Variants in NCEH1 observed in about 807,000 individuals in gnomAD.
NCEH1 encodes the protein neutral cholesterol ester hydrolase 1, also known as 2-acetyl MAGE hydrolase.
In NCEH1, 9 loss-of-function variants were observed where a neutral mutation model predicts 25.4. The ratio of observed to expected loss-of-function variants is 0.35; its 90% confidence interval spans 0.21 to 0.62. The LOEUF is 0.62. Ranked by LOEUF, NCEH1 falls within the 20% of genes least tolerant of loss-of-function variation. NCEH1 has a pLI of 0.72. For missense variants in NCEH1, 412 were observed against 501.1 expected, an observed-to-expected ratio of 0.82 and a Z score of 1.70; for synonymous variants, 200 against 199.8, an observed-to-expected ratio of 1.00 and a Z score of -0.01.
intron 1 of NCEH1, 103 bp from the exon 2 acceptor site, chr3:172,648,217 C>A (rs537743860): frequency 2.9e-4 from 391 of 1,367,972 alleles, no homozygotes; most frequent in Non-Finnish European, 3.7e-4. Context: ...AAGCAGCTGC[C>A]ACTGGACTGG....
chr3:172,641,389 C>CCTTGAGCCAG (rs1716845333), intron 3 of NCEH1, among the ~76,000 whole-genome samples: 2 of 152,234 alleles, frequency 1.3e-5, no homozygotes, highest in Admixed American at 1.3e-4. Flanking sequence ...GTCCCCAGAC[C>CCTTGAGCCAG]CTTGAGCCAG....
At chr3:172,651,055 A>G (rs1717384043) in intron 1 of NCEH1, among the ~76,000 whole-genome samples, 1 of 152,166 alleles carries the variant, frequency 6.6e-6, no homozygotes, top group African/African-American at 2.4e-5. Flanking sequence ...TGGTACTATT[A>G]TAAATAATAG....
intron 3 of NCEH1, among the ~76,000 whole-genome samples, chr3:172,640,016 C>T (rs887322836): frequency 6.6e-5 from 10 of 152,190 alleles, no homozygotes; most frequent in African/African-American, 2.2e-4. Context: ...CCCCCAAGCC[C>T]CGAATGACAC....
intron 1 of NCEH1, among the ~76,000 whole-genome samples, chr3:172,679,423 CTACTT>C (rs1265655544): frequency 6.6e-6 from 1 of 152,182 alleles, no homozygotes; most frequent in African/African-American, 2.4e-5. Context: ...AGAGGAACCT[CTACTT>C]TACTTTTTAC....
At chr3:172,700,338 C>G (rs755612308) in intron 1 of NCEH1, among the ~76,000 whole-genome samples, 2 of 151,806 alleles carry the variant, frequency 1.3e-5, no homozygotes, top group Admixed American at 1.3e-4. Context: ...TAAGAAGAAG[C>G]ACTGATATAG....
chr3:172,704,243 A>G lies in NCEH1; in HGVS notation c.138+6604T>C, dbSNP rs150485774. Among the ~76,000 whole-genome samples, 429 of 152,340 alleles carry G rather than the reference A, an allele frequency of 2.8e-3. 5 individuals carry two copies. The highest frequency in any genetic ancestry group is 0.01 in the African/African-American group (417 of 41,578). On this transcript the variant is annotated intron_variant, in intron 1 of 4. Transcript: ENST00000475381. ...CAAGTTTGGGGACATTTGGCAAGAT[A>G]AAAATCCTTGATCAACTAGTCCAAA... is the stretch of plus-strand genomic sequence containing the variant.
At chr3:172,696,096 T>C (rs1399680059) in intron 1 of NCEH1, among the ~76,000 whole-genome samples, 1 of 152,240 alleles carries the variant, frequency 6.6e-6, no homozygotes, top group Non-Finnish European at 1.5e-5. Context: ...GTTCTTGTTA[T>C]ATGCCAAGCA....
intron 1 of NCEH1, among the ~76,000 whole-genome samples, chr3:172,672,697 C>T (rs1711706598): frequency 6.6e-6 from 1 of 152,100 alleles, no homozygotes; most frequent in African/African-American, 2.4e-5. Context: ...GGAGGAGGCC[C>T]AAAAGAAAGA....
At chr3:172,686,217 T>A (rs949957755) in intron 1 of NCEH1, among the ~76,000 whole-genome samples, 1 of 152,192 alleles carries the variant, frequency 6.6e-6, no homozygotes, top group Non-Finnish European at 1.5e-5. Flanking sequence ...ACTGAGTCCA[T>A]CCTTGACATG....
At chr3:172,684,614 A>G (rs1189062525) in intron 1 of NCEH1, among the ~76,000 whole-genome samples, 1 of 152,226 alleles carries the variant, frequency 6.6e-6, no homozygotes, top group Non-Finnish European at 1.5e-5. Context: ...AAAGGACACC[A>G]TCTAGTCTAT....
At position 172,676,493 on chromosome 3, in the gene NCEH1, C is replaced by T. The variant is rs556034733; in HGVS notation, c.139-28379G>A. ...GGTTTTTCACAGGCAATGTAAATAA[C>T]ATACCTGGTCAAACCAATCCCCTGG... On this transcript the variant is annotated intron_variant, in intron 1 of 4. Coordinates refer to ENST00000475381, the MANE Select transcript of NCEH1 (RefSeq NM_020792.6). 1.2e-4 allele frequency among the ~76,000 whole-genome samples: 18 copies of T among 152,248 alleles called. No individual in the cohort carries two copies. The East Asian group carries it at 3.5e-3, about 29-fold the overall frequency.
intron 1 of NCEH1, among the ~76,000 whole-genome samples, chr3:172,698,808 A>C (rs150936361): frequency 7.0e-4 from 106 of 152,366 alleles, no homozygotes; most frequent in Middle Eastern, 3.4e-3. Context: ...GGACAACACA[A>C]AACCATTTTT....
chr3:172,655,760 T>C (rs1717661851), intron 1 of NCEH1, among the ~76,000 whole-genome samples: 1 of 152,178 alleles, frequency 6.6e-6, no homozygotes, highest in Non-Finnish European at 1.5e-5. Flanking sequence ...TCTGGGAGGA[T>C]TTAGGCCACA....
At chr3:172,688,207 G>T (rs997609344) in intron 1 of NCEH1, among the ~76,000 whole-genome samples, 2 of 151,520 alleles carry the variant, frequency 1.3e-5, no homozygotes, top group African/African-American at 4.9e-5. Context: ...GTGGGTGCCT[G>T]TAATCCTGGC....
intron 1 of NCEH1, among the ~76,000 whole-genome samples, chr3:172,652,905 A>G (rs1486822952): frequency 6.6e-6 from 1 of 150,970 alleles, no homozygotes; most frequent in Non-Finnish European, 1.5e-5. Flanking sequence ...GGGTTTCACT[A>G]TGTTGCCCAG....
intron 1 of NCEH1, among the ~76,000 whole-genome samples, chr3:172,689,626 C>CTG (rs763254228): frequency 1 from 145,631 of 145,644 alleles, 72,809 homozygotes; most frequent in Middle Eastern, 1. Context: ...GGGTAGACCA[C>CTG]CTGAGCGCCA....
At chr3:172,670,656 G>A (rs1429480895) in intron 1 of NCEH1, among the ~76,000 whole-genome samples, 2 of 152,164 alleles carry the variant, frequency 1.3e-5, no homozygotes, top group Non-Finnish European at 2.9e-5. Context: ...TATATTGGCA[G>A]TAACTCTAAA....
chr3:172,677,694 C>A (rs1459215216), intron 1 of NCEH1, among the ~76,000 whole-genome samples: 1 of 152,174 alleles, frequency 6.6e-6, no homozygotes, highest in Non-Finnish European at 1.5e-5. Context: ...TTTGGGAGGC[C>A]GAGGCGGGCG....
intron 1 of NCEH1, among the ~76,000 whole-genome samples, chr3:172,688,330 C>CAAAAAAAAAA (rs11376665): frequency 4.5e-5 from 3 of 66,230 alleles, no homozygotes; most frequent in African/African-American, 1.2e-4. Context: ...AACTCCACCT[C>CAAAAAAAAAA]AAAAAAAAAA....
Sources: allele counts gnomAD v4.1 joint callset (sites outside exome capture counted in the v4.1 genomes callset), GRCh38; gene constraint gnomAD v4.1.1; transcripts MANE v1.5; gene names NCBI Gene and HGNC (gene_info 2026-07-23, HGNC 2026-07-21).